SEC24D: variants seen among roughly 807,000 people sequenced by gnomAD.
SEC24D encodes the protein protein transport protein Sec24D.
In SEC24D, 69 loss-of-function variants were observed where a neutral mutation model predicts 116.9. That is an observed-to-expected ratio of 0.59 (90% CI 0.49 to 0.72). SEC24D has a LOEUF of 0.72. SEC24D is among the 30% of genes least tolerant of loss of function. The probability of loss-of-function intolerance (pLI) is 0.00; values close to 1 mark genes in which losing one functional copy is unlikely to be tolerated. For missense variants in SEC24D, 1,131 were observed against 1,264.1 expected, an observed-to-expected ratio of 0.89 and a Z score of 1.60; for synonymous variants, 405 against 442.8, an observed-to-expected ratio of 0.91 and a Z score of 1.07.
Position 118,739,157 on chromosome 4 carries a change from G to A in SEC24D, c.2369C>T (p.Ala790Val), listed in dbSNP as rs1325245455. ...CETDALINFF[A>V]KSAFKAVLHQ... ...GATTGGCAAAGTGTTACCTGACTTG[G>A]CAAAGAAGTTGATAAGAGCATCTGT... Residue 790 changes from alanine to valine, a missense_variant, in exon 18 of 23, where the codon GCC (alanine) becomes GTC (valine). Transcript: ENST00000280551. 1.9e-6 allele frequency: 3 copies of A among 1,613,340 alleles called. No homozygotes were observed. The South Asian group carries it at 3.3e-5, about 18-fold the overall frequency.
intron 6 of SEC24D, among the ~76,000 whole-genome samples, chr4:118,812,203 A>G (rs547298973): frequency 6.6e-5 from 10 of 152,274 alleles, no homozygotes; most frequent in African/African-American, 2.2e-4. Context: ...AATTGACACT[A>G]TCTATGATGG....
At position 118,740,957 on chromosome 4, in the gene SEC24D, C is replaced by G. The variant is rs1488521735; in HGVS notation, c.2076G>C (p.Arg692Ser). ...GATAATTACCTGTGCTGGTACGAAC[C>G]CTCATAATAGCATCAAAGCCTATTT... ...EKKIGFDAIMRVRTSTGFRAT... is the reference protein window; with the variant it reads ...EKKIGFDAIMSVRTSTGFRAT... Residue 692 changes from arginine (R) to serine (S), a missense_variant, in exon 16 of 23, where the codon AGG becomes AGC. Arg to Ser is a moderately radical substitution (Grantham distance 110). Transcript: ENST00000280551. 1 of 1,600,446 alleles carries G rather than the reference C, an allele frequency of 6.2e-7. No homozygotes were observed. The highest frequency in any genetic ancestry group is 8.5e-7 in the Non-Finnish European group (1 of 1,171,984).
intron 8 of SEC24D, among the ~76,000 whole-genome samples, 167 bp from the exon 9 acceptor site, chr4:118,768,478 T>G (rs1342589623): frequency 2.1e-5 from 3 of 145,152 alleles, no homozygotes; most frequent in Admixed American, 1.4e-4. Flanking sequence ...CACTGCAACC[T>G]CCACCTACAG....
At chr4:118,738,130 C>T in intron 19 of SEC24D, 131 bp downstream of exon 19, 1 of 611,604 alleles carries the variant, frequency 1.6e-6, no homozygotes, top group Admixed American at 2.9e-5. Context: ...CATTCTTAAT[C>T]TTCTCAGCTA....
At chr4:118,819,489 C>G (rs1193560700) in intron 3 of SEC24D, among the ~76,000 whole-genome samples, 1 of 145,148 alleles carries the variant, frequency 6.9e-6, no homozygotes, top group Non-Finnish European at 1.5e-5. Flanking sequence ...CAAGATCGCG[C>G]CACTGCACTC....
intron 15 of SEC24D, among the ~76,000 whole-genome samples, chr4:118,743,544 T>G (rs972749109): frequency 2.0e-5 from 3 of 152,120 alleles, no homozygotes; most frequent in Admixed American, 6.6e-5. Flanking sequence ...TTAAATTTTT[T>G]GTAGAGACAG....
intron 21 of SEC24D, 47 bp from the exon 22 acceptor site, chr4:118,728,697 G>T: frequency 2.7e-6 from 3 of 1,101,570 alleles, no homozygotes; most frequent in Non-Finnish European, 4.1e-6. Context: ...ATAACATTTA[G>T]ATAGAAGTAG....
In SEC24D at chr4:118,723,476, C is replaced by T. The variant is rs749450416; in HGVS notation, c.*39G>A. On this transcript the variant is annotated 3_prime_UTR_variant, in exon 23 of 23. Coordinates refer to ENST00000280551, the MANE Select transcript of SEC24D (RefSeq NM_014822.4). ...AATTAGGCACCAAGAAGGAGATTAT[C>T]TCCTTGGAAATGCAACATCAATGAC... The T allele has an allele frequency of 9.5e-6, 15 of 1,583,624 alleles. No individual in the cohort carries two copies. Among genetic ancestry groups the T allele is most frequent in the Non-Finnish European group, 9.4e-6 (11 of 1,165,624 alleles).
intron 8 of SEC24D, among the ~76,000 whole-genome samples, chr4:118,789,450 G>A (rs1259285165): frequency 6.6e-6 from 1 of 152,186 alleles, no homozygotes. Context: ...TTCCTTTCTT[G>A]TTAACTCCAT....
chr4:118,780,027 AT>A (rs1401239774), intron 8 of SEC24D, among the ~76,000 whole-genome samples: 8 of 152,002 alleles, frequency 5.3e-5, no homozygotes, highest in African/African-American at 9.6e-5. Flanking sequence ...CGGTCTATCA[AT>A]TTTGTTGATC....
intron 8 of SEC24D, among the ~76,000 whole-genome samples, chr4:118,793,466 CAAAAA>C (rs70944815): frequency 1.0e-3 from 72 of 69,292 alleles, no homozygotes; most frequent in African/African-American, 3.8e-3. Context: ...GACTCCGTCT[CAAAAA>C]AAAAAAAAAA....
Position 118,731,465 on chromosome 4 carries a change from G to A in SEC24D, c.2719C>T (p.Arg907Cys), listed in dbSNP as rs764087324. The A allele has an allele frequency of 1.1e-5, 17 of 1,614,090 alleles. No homozygotes were observed. Among genetic ancestry groups the A allele is most frequent in the African/African-American group, 8.0e-5 (6 of 75,042 alleles). Residue 907 changes from arginine to cysteine, a missense_variant, in exon 21 of 23, where the codon CGT (arginine) becomes TGT (cysteine). Coordinates refer to ENST00000280551, the MANE Select transcript of SEC24D (RefSeq NM_014822.4). ...TCTGAAAGACGGGACTCAGAGCAAC[G>A]AACGGCAGCAGGTAACATTGTACTC... ...VKSTMLPAAV[R>C]CSESRLSEEG...
At chr4:118,814,832 G>C (rs558188270) in intron 6 of SEC24D, among the ~76,000 whole-genome samples, 196 bp downstream of exon 6, 37 of 152,108 alleles carry the variant, frequency 2.4e-4, no homozygotes, top group African/African-American at 7.7e-4. Flanking sequence ...CTTTCATGGA[G>C]ACCTTTAGTA....
intron 10 of SEC24D, among the ~76,000 whole-genome samples, chr4:118,764,050 A>T (rs926805215): frequency 6.6e-6 from 1 of 152,100 alleles, no homozygotes; most frequent in African/African-American, 2.4e-5. Flanking sequence ...ATGGAAAGAT[A>T]CTCTGGTCAG....
intron 8 of SEC24D, among the ~76,000 whole-genome samples, chr4:118,776,778 A>G (rs903640192): frequency 1.3e-5 from 2 of 152,188 alleles, no homozygotes; most frequent in Non-Finnish European, 2.9e-5. Context: ...TTGTCTAGTT[A>G]CAGGCCACTA....
intron 4 of SEC24D, 31 bp from the exon 5 acceptor site, chr4:118,815,757 A>G (rs775120911): frequency 6.2e-7 from 1 of 1,609,104 alleles, no homozygotes; most frequent in South Asian, 1.1e-5. Context: ...GCCCACTTAA[A>G]TACCACATTT....
chr4:118,798,234 A>G (rs924695491), intron 7 of SEC24D, among the ~76,000 whole-genome samples: 1 of 152,246 alleles, frequency 6.6e-6, no homozygotes, highest in Non-Finnish European at 1.5e-5. Flanking sequence ...GGGAAAGGTA[A>G]GCATTTGTAT....
chr4:118,807,931 C>G (rs760420478), intron 6 of SEC24D, among the ~76,000 whole-genome samples: 3 of 152,082 alleles, frequency 2.0e-5, no homozygotes, highest in African/African-American at 4.8e-5. Flanking sequence ...GTATTTTGAC[C>G]ACAAGGTTAA....
intron 11 of SEC24D, 98 bp downstream of exon 11, chr4:118,757,623 G>T (rs1171778993): frequency 1.8e-6 from 2 of 1,135,402 alleles, no homozygotes; most frequent in African/African-American, 1.6e-5. Flanking sequence ...GTCCTCATTA[G>T]CAAAAAAAAT....
Sources: allele counts gnomAD v4.1 joint callset (sites outside exome capture counted in the v4.1 genomes callset), GRCh38; gene constraint gnomAD v4.1.1; transcripts MANE v1.5; gene names NCBI Gene and HGNC (gene_info 2026-07-23, HGNC 2026-07-21).